The following MOB1B variants were observed in gnomAD, a reference collection of about 807,000 sequenced individuals.
MOB1B encodes MOB1 Mps One Binder homolog B.
A neutral mutation model predicts 24.4 loss-of-function variants in MOB1B; 19 were observed. That is an observed-to-expected ratio of 0.78 (90% CI 0.54 to 1.14). The LOEUF (loss-of-function observed/expected upper bound fraction) is 1.14. MOB1B is among the 50% of genes most tolerant of loss of function. MOB1B has a pLI of 0.00. For synonymous variants in MOB1B, 76 were observed against 82.1 expected (o/e 0.93, Z 0.40); for missense variants, 243 against 259.6 (o/e 0.94, Z 0.44).
At position 70,906,442 on chromosome 4, in the gene MOB1B, G is replaced by GA. The variant is rs534968549; in HGVS notation, c.14+3899dup. The stretch of plus-strand genomic sequence containing the variant: ...GTTGGGCACCATTTGTGACAAGAGA[G>GA]AAAAAAATCCCTGCATTGGTGGGGC... On this transcript the variant is annotated intron_variant, in intron 1 of 5. Coordinates refer to ENST00000309395, the MANE Select transcript of MOB1B (RefSeq NM_173468.4). Among the ~76,000 whole-genome samples, 37 of 152,240 alleles carry GA rather than the reference G, an allele frequency of 2.4e-4. No individual in the cohort carries two copies. In the South Asian group the frequency reaches 7.7e-3, roughly 32 times the overall value.
At chr4:70,922,499 G>A (rs1179236093) in intron 1 of MOB1B, among the ~76,000 whole-genome samples, 4 of 152,162 alleles carry the variant, frequency 2.6e-5, no homozygotes, top group Non-Finnish European at 5.9e-5. Flanking sequence ...GGAGACAAAC[G>A]GTTACATTCT....
At chr4:70,934,911 A>G (rs1003101927) in intron 1 of MOB1B, among the ~76,000 whole-genome samples, 1 of 151,670 alleles carries the variant, frequency 6.6e-6, no homozygotes, top group Non-Finnish European at 1.5e-5. Flanking sequence ...AATTAAAAAA[A>G]TTATTTTTAA....
intron 1 of MOB1B, among the ~76,000 whole-genome samples, chr4:70,957,148 T>C (rs1452454725): frequency 6.8e-6 from 1 of 147,634 alleles, no homozygotes; most frequent in Non-Finnish European, 1.5e-5. Flanking sequence ...TATGTTCAAA[T>C]GCCTAGATGT....
intron 3 of MOB1B, among the ~76,000 whole-genome samples, chr4:70,972,192 G>A (rs945583706): frequency 6.6e-6 from 1 of 152,018 alleles, no homozygotes; most frequent in African/African-American, 2.4e-5. Flanking sequence ...GTAGAACTTT[G>A]TTCTCAGATA....
intron 1 of MOB1B, among the ~76,000 whole-genome samples, chr4:70,915,391 C>T (rs1004668381): frequency 7.9e-5 from 12 of 152,104 alleles, no homozygotes; most frequent in Admixed American, 2.6e-4. Context: ...GGAGCAGGCC[C>T]GAGCATAGGG....
At chr4:70,946,089 T>G (rs1737570089) in intron 1 of MOB1B, among the ~76,000 whole-genome samples, 1 of 147,906 alleles carries the variant, frequency 6.8e-6, no homozygotes, top group Non-Finnish European at 1.5e-5. Context: ...TTGTTCTTTT[T>G]TTTTTTTTTT....
Position 70,902,466 on chromosome 4 carries a change from C to G in MOB1B, c.-71C>G. On this transcript the variant is annotated 5_prime_UTR_variant, in exon 1 of 6. Transcript: ENST00000309395. ...CTGTCTCCTGTTCCATTCGCCTTTC[C>G]TCTTCTTTCCTGGCCCACGCCGCTC... is the stretch of plus-strand genomic sequence containing the variant. 1 of 1,524,234 alleles carries G rather than the reference C, an allele frequency of 6.6e-7. No individual in the cohort carries two copies. Among genetic ancestry groups the G allele is most frequent in the Non-Finnish European group, 8.9e-7 (1 of 1,122,818 alleles). The allele number at this position is 1,524,234 out of a possible 1,614,324, so 94.4% of individuals were successfully genotyped here. A position where few individuals can be genotyped will look rare whatever the true frequency, so the allele number is the denominator to read the frequency against.
At chr4:70,972,999 T>G (rs1484542726) in intron 3 of MOB1B, among the ~76,000 whole-genome samples, 1 of 152,040 alleles carries the variant, frequency 6.6e-6, no homozygotes, top group East Asian at 1.9e-4. Context: ...TGTCTTGATC[T>G]CCTGACCTCA....
chr4:70,987,557 A>ATCCAC lies in MOB1B; in HGVS notation c.*5500_*5501insTCCAC, dbSNP rs1320737982. On this transcript the variant is annotated 3_prime_UTR_variant, in exon 6 of 6. Transcript: ENST00000309395. ...TTGTACATGCATAACCAGGGTGGTG[A>ATCCAC]GGGCACTAATCTTGTAGGAAACACT... 1 of 152,088 alleles carries ATCCAC rather than the reference A, an allele frequency of 6.6e-6. No homozygotes were observed. Among genetic ancestry groups the ATCCAC allele is most frequent in the East Asian group, 1.9e-4 (1 of 5,198 alleles). 9.4% of individuals were successfully genotyped at this position (152,088 alleles called of 1,614,324 possible).
intron 1 of MOB1B, among the ~76,000 whole-genome samples, chr4:70,924,456 A>C (rs924610193): frequency 2.0e-5 from 3 of 152,166 alleles, no homozygotes; most frequent in African/African-American, 7.2e-5. Flanking sequence ...TTTCATTTGG[A>C]AAATAGCAAG....
chr4:70,907,506 A>C (rs1268002479), intron 1 of MOB1B, among the ~76,000 whole-genome samples: 1 of 152,192 alleles, frequency 6.6e-6, no homozygotes, highest in African/African-American at 2.4e-5. Flanking sequence ...AGTTAAAACA[A>C]GTACATTTAA....
intron 1 of MOB1B, among the ~76,000 whole-genome samples, chr4:70,921,745 G>A (rs1736448841): frequency 6.6e-6 from 1 of 152,000 alleles, no homozygotes; most frequent in Non-Finnish European, 1.5e-5. Context: ...CTGACCTCAT[G>A]ATTCACCCAC....
intron 1 of MOB1B, among the ~76,000 whole-genome samples, chr4:70,911,897 CTT>C (rs202152238): frequency 4.1e-4 from 57 of 139,588 alleles, no homozygotes; most frequent in Non-Finnish European, 5.2e-4. Flanking sequence ...TTAAGGCCAT[CTT>C]TTTTTTTTTT....
chr4:70,956,694 A>G (rs1294548475), intron 1 of MOB1B, among the ~76,000 whole-genome samples: 1 of 152,164 alleles, frequency 6.6e-6, no homozygotes, highest in East Asian at 1.9e-4. Flanking sequence ...TGCTGGGATT[A>G]TAGGTGTGGG....
chr4:70,951,235 C>T (rs1737788899), intron 1 of MOB1B, among the ~76,000 whole-genome samples: 1 of 152,280 alleles, frequency 6.6e-6, no homozygotes, highest in South Asian at 2.1e-4. Flanking sequence ...CAAGCATTTC[C>T]ACCTGAGCTC....
chr4:70,970,054 T>C lies in MOB1B; in HGVS notation c.275+30T>C. The C allele has an allele frequency of 3.1e-6, 4 of 1,273,608 alleles. No homozygotes were observed. The South Asian group carries it at 4.1e-5, about 13-fold the overall frequency. The allele number at this position is 1,273,608 out of a possible 1,614,324, so 78.9% of individuals were successfully genotyped here. A position where few individuals can be genotyped will look rare whatever the true frequency, so the allele number is the denominator to read the frequency against. ...GACATAGTTAATGATCAGTTTCTTA[T>C]TTTTACATTATTTTACGGTTCTTAA... On this transcript the variant is annotated intron_variant, in intron 3 of 5. Coordinates refer to ENST00000309395, the MANE Select transcript of MOB1B (RefSeq NM_173468.4).
chr4:70,970,871 GAGAA>G (rs1007314291), intron 3 of MOB1B, among the ~76,000 whole-genome samples: 16 of 152,210 alleles, frequency 1.1e-4, no homozygotes, highest in Admixed American at 6.5e-5. Flanking sequence ...TCTCAGTAAA[GAGAA>G]AGGAAGACTG....
At chr4:70,965,836 A>G (rs547781151) in intron 2 of MOB1B, among the ~76,000 whole-genome samples, 1 of 150,716 alleles carries the variant, frequency 6.6e-6, no homozygotes, top group Non-Finnish European at 1.5e-5. Flanking sequence ...TTGTAAGAGA[A>G]TGTTGTGAAG....
Position 70,970,404 on chromosome 4 carries a change from C to G in MOB1B, c.275+380C>G, listed in dbSNP as rs931657968. On this transcript the variant is annotated intron_variant, in intron 3 of 5. Coordinates refer to ENST00000309395, the MANE Select transcript of MOB1B (RefSeq NM_173468.4). ...TCTTCAATTCTATTATCAAATATTT[C>G]TCTGTCAAAGCCTTCTGATTTCATC... is the stretch of plus-strand genomic sequence containing the variant. Among the ~76,000 whole-genome samples the G allele has an allele frequency of 5.3e-5, 8 of 152,134 alleles. 1 individual carries two copies. Among genetic ancestry groups the G allele is most frequent in the African/African-American group, 1.9e-4 (8 of 41,418 alleles).
Sources: gnomAD v4.1 joint callset for allele counts (sites outside exome capture counted in the v4.1 genomes callset) on GRCh38, gnomAD v4.1.1 for gene constraint, MANE v1.5 for transcripts, NCBI Gene and HGNC (gene_info 2026-07-23, HGNC 2026-07-21) for gene names.